The following PAPPA2 variants were observed in gnomAD, a reference collection of about 807,000 sequenced individuals.
PAPPA2 encodes the protein pappalysin-2.
A neutral mutation model predicts 176.4 loss-of-function variants in PAPPA2; 86 were observed. The ratio of observed to expected loss-of-function variants is 0.49; its 90% confidence interval spans 0.41 to 0.58. PAPPA2 has a LOEUF of 0.58. Ranked by LOEUF, PAPPA2 falls within the 20% of genes least tolerant of loss-of-function variation. PAPPA2 has a pLI of 0.00. For synonymous variants in PAPPA2, 809 were observed against 852.2 expected (o/e 0.95, Z 0.88); for missense variants, 2,073 against 2,256.9 (o/e 0.92, Z 1.65).
chr1:176,702,875 G>T, intron 9 of PAPPA2, 140 bp downstream of exon 9: 1 of 1,183,718 alleles, frequency 8.4e-7, no homozygotes, highest in East Asian at 2.6e-5. Context: ...TGGAAATGTA[G>T]GGAGCAAGGC....
chr1:176,788,066 A>C (rs1351714393), intron 17 of PAPPA2, among the ~76,000 whole-genome samples: 1 of 152,108 alleles, frequency 6.6e-6, no homozygotes, highest in Non-Finnish European at 1.5e-5. Context: ...ATCTCAGAAA[A>C]AAAAAGAAAA....
At chr1:176,496,345 A>G (rs1016443477) in intron 1 of PAPPA2, among the ~76,000 whole-genome samples, 2 of 152,170 alleles carry the variant, frequency 1.3e-5, no homozygotes, top group East Asian at 3.9e-4. Flanking sequence ...TCACTTTTAC[A>G]TAGAGGTTTG....
intron 2 of PAPPA2, among the ~76,000 whole-genome samples, chr1:176,564,925 C>A (rs1651877218): frequency 6.6e-6 from 1 of 152,076 alleles, no homozygotes; most frequent in Non-Finnish European, 1.5e-5. Context: ...ATTAGCCCTA[C>A]CCACTTCCCT....
chr1:176,716,295 G>C (rs977349348), intron 12 of PAPPA2, among the ~76,000 whole-genome samples: 1 of 150,234 alleles, frequency 6.7e-6, no homozygotes, highest in African/African-American at 2.5e-5. Flanking sequence ...ACCTGGGCTG[G>C]AGTGCAATGG....
intron 11 of PAPPA2, 61 bp from the exon 12 acceptor site, chr1:176,711,774 T>G: frequency 3.9e-6 from 6 of 1,524,334 alleles, no homozygotes; most frequent in Non-Finnish European, 5.4e-6. Context: ...GAGAGTTTCA[T>G]TGTCCTTACT....
At chr1:176,834,921 A>G (rs890447952) in intron 21 of PAPPA2, among the ~76,000 whole-genome samples, 1 of 152,314 alleles carries the variant, frequency 6.6e-6, no homozygotes, top group East Asian at 1.9e-4. Context: ...CAGTGAGCTG[A>G]GATCATGCCA....
intron 14 of PAPPA2, among the ~76,000 whole-genome samples, chr1:176,742,783 G>A (rs1662743596): frequency 6.6e-6 from 1 of 152,112 alleles, no homozygotes; most frequent in Non-Finnish European, 1.5e-5. Context: ...TCAAATTCTG[G>A]GCATAGTGAG....
intron 14 of PAPPA2, among the ~76,000 whole-genome samples, chr1:176,750,736 T>C (rs1274230455): frequency 6.6e-6 from 1 of 152,148 alleles, no homozygotes; most frequent in African/African-American, 2.4e-5. Flanking sequence ...GAAAATCTTA[T>C]TGAGAAAATT....
At chr1:176,586,603 C>T (rs1427960198) in intron 2 of PAPPA2, among the ~76,000 whole-genome samples, 1 of 152,162 alleles carries the variant, frequency 6.6e-6, no homozygotes, top group Non-Finnish European at 1.5e-5. Context: ...TCATCCATGG[C>T]TGTGTGAAGG....
chr1:176,770,902 C>A, intron 16 of PAPPA2, 65 bp from the exon 17 acceptor site: 1 of 1,477,840 alleles, frequency 6.8e-7, no homozygotes, highest in Non-Finnish European at 9.4e-7. Context: ...TTTATTTCAT[C>A]TGCTATGATT....
Position 176,617,647 on chromosome 1 carries a change from C to CATATATATAT in PAPPA2, c.1991+22061_1991+22070dup, listed in dbSNP as rs150600721. 7.0e-4 allele frequency among the ~76,000 whole-genome samples: 103 copies of CATATATATAT among 147,908 alleles called. No individual in the cohort carries two copies. The Middle Eastern group carries it at 0.01, about 15-fold the overall frequency. On this transcript the variant is annotated intron_variant, in intron 3 of 22. Transcript: ENST00000367662. ...TATGGCTGAGTGGTATTCCATGGCG[C>CATATATATAT]ATATATATATATATATATCACATTT...
chr1:176,716,761 G>A (rs1007048808), intron 12 of PAPPA2, among the ~76,000 whole-genome samples: 2 of 151,608 alleles, frequency 1.3e-5, no homozygotes, highest in Non-Finnish European at 2.9e-5. Context: ...ACAGGCACCC[G>A]CCACCATGCC....
At position 176,594,967 on chromosome 1, in the gene PAPPA2, G is replaced by T; in HGVS notation, c.1363G>T (p.Val455Phe). The change falls in exon 3 of 23, where the codon GTC becomes TTC. Residue 455 changes from valine to phenylalanine, a missense_variant. By Grantham distance (50) the Val-to-Phe change is conservative. Around this residue, in one of 4 missense-constraint regions of PAPPA2, gnomAD observed 1,196 missense variants for 1,330.4 expected, o/e 0.90. Transcript: ENST00000367662. ...SSGEEEATDL[V>F]LTASFEPVNT... ...TGGGGAGGAGGAAGCGACTGACTTG[G>T]TCCTGACAGCGAGCTTTGAGCCTGT... 1 of 1,614,196 alleles carries T rather than the reference G, an allele frequency of 6.2e-7. No individual in the cohort carries two copies. Among genetic ancestry groups the T allele is most frequent in the African/African-American group, 1.3e-5 (1 of 75,054 alleles).
chr1:176,729,067 G>A (rs1474695006), intron 12 of PAPPA2, among the ~76,000 whole-genome samples: 1 of 151,664 alleles, frequency 6.6e-6, no homozygotes, highest in African/African-American at 2.4e-5. Context: ...TTAATTATTA[G>A]TTTTTGCTAA....
intron 9 of PAPPA2, 34 bp from the exon 10 acceptor site, chr1:176,706,325 T>A (rs1238703397): frequency 6.4e-7 from 1 of 1,559,918 alleles, no homozygotes; most frequent in Admixed American, 1.7e-5. Context: ...TTTGTGTGTA[T>A]GTGTTATATA....
chr1:176,616,736 T>A, intron 3 of PAPPA2: 1 of 1,346,354 alleles, frequency 7.4e-7, no homozygotes, highest in Non-Finnish European at 1.1e-6. Context: ...TAATAGGAAA[T>A]CTCATGTTCT....
chr1:176,781,909 G>T (rs1664738788), intron 17 of PAPPA2, among the ~76,000 whole-genome samples: 1 of 152,120 alleles, frequency 6.6e-6, no homozygotes, highest in Non-Finnish European at 1.5e-5. Flanking sequence ...TTCAAAAATG[G>T]ACCATGTATC....
intron 17 of PAPPA2, among the ~76,000 whole-genome samples, chr1:176,782,485 G>A (rs551050479): frequency 1.3e-5 from 2 of 152,166 alleles, no homozygotes; most frequent in African/African-American, 4.8e-5. Context: ...CTTTTGGGTG[G>A]TAAGAATTAT....
chr1:176,680,028 G>A (rs1659504405), intron 4 of PAPPA2, among the ~76,000 whole-genome samples: 1 of 152,166 alleles, frequency 6.6e-6, no homozygotes, highest in Non-Finnish European at 1.5e-5. Context: ...ATATGACTCT[G>A]AGAAAAGAAG....
Sources: gnomAD v4.1 joint callset for allele counts (sites outside exome capture counted in the v4.1 genomes callset) on GRCh38, gnomAD v4.1.1 for gene constraint, gnomAD v4.1.1 regional missense constraint, MANE v1.5 for transcripts, NCBI Gene and HGNC (gene_info 2026-07-23, HGNC 2026-07-21) for gene names.